SOX5: variants seen among roughly 807,000 people sequenced by gnomAD.
SOX5 encodes the protein transcription factor SOX-5.
In SOX5, 9 loss-of-function variants were observed where a neutral mutation model predicts 92.0. The observed-to-expected ratio is 0.10, with a 90% CI of 0.06 to 0.17. The LOEUF (loss-of-function observed/expected upper bound fraction) is 0.17. SOX5 is among the 10% of genes least tolerant of loss of function. The pLI, the probability that SOX5 is intolerant of heterozygous loss-of-function variation, is 1.00. For synonymous variants in SOX5, 344 were observed against 336.3 expected, an observed-to-expected ratio of 1.02 and a Z score of -0.25; for missense variants, 642 against 944.5, an observed-to-expected ratio of 0.68 and a Z score of 4.20.
intron 3 of SOX5, among the ~76,000 whole-genome samples, chr12:23,793,392 C>T (rs921999173): frequency 6.6e-6 from 1 of 151,986 alleles, no homozygotes; most frequent in African/African-American, 2.4e-5. Context: ...AGAAAATAAC[C>T]CTTGAAAATA....
rs140668486 is a variant in SOX5, at chr12:24,208,253, A to G, written c.-2+5090T>C. On this transcript the variant is annotated intron_variant, in intron 4 of 4. Coordinates refer to the SOX5 transcript ENST00000446891. ...AATCAGTCAGCCTCAGAGTGACATC[A>G]TAAGAATTAATTAATCCAAGGCACA... is the stretch of plus-strand genomic sequence containing the variant. Among the ~76,000 whole-genome samples, 119 of 152,316 alleles carry G rather than the reference A, an allele frequency of 7.8e-4. 1 individual carries two copies. The highest frequency in any genetic ancestry group is 2.5e-3 in the African/African-American group (106 of 41,570).
chr12:24,338,302 C>A (rs1007161171), intron 2 of SOX5, among the ~76,000 whole-genome samples: 7 of 152,066 alleles, frequency 4.6e-5, no homozygotes, highest in Non-Finnish European at 1.5e-5. Context: ...AGTGGACATA[C>A]ACAATACGAT....
At chr12:24,038,147 A>C (rs566777777) in intron 4 of SOX5, among the ~76,000 whole-genome samples, 1 of 152,256 alleles carries the variant, frequency 6.6e-6, no homozygotes, top group South Asian at 2.1e-4. Context: ...TTAACACAGG[A>C]AGATAGAGAT....
At chr12:23,942,393 T>G (rs927719680) in intron 1 of SOX5, among the ~76,000 whole-genome samples, 2 of 151,858 alleles carry the variant, frequency 1.3e-5, no homozygotes, top group Non-Finnish European at 2.9e-5. Context: ...GCAAACTCAG[T>G]ACTAATGTAA....
At chr12:23,665,899 T>C (rs1436014371) in intron 6 of SOX5, among the ~76,000 whole-genome samples, 2 of 152,126 alleles carry the variant, frequency 1.3e-5, no homozygotes, top group Non-Finnish European at 2.9e-5. Flanking sequence ...AATTATCCCA[T>C]AGAAGGAACT....
intron 2 of SOX5, among the ~76,000 whole-genome samples, chr12:24,350,743 T>C (rs1953971646): frequency 6.6e-6 from 1 of 152,124 alleles, no homozygotes; most frequent in South Asian, 2.1e-4. Context: ...TAAATGACCA[T>C]ATCTAGGACA....
At chr12:23,617,080 G>C (rs933892859) in intron 8 of SOX5, among the ~76,000 whole-genome samples, 6 of 148,432 alleles carry the variant, frequency 4.0e-5, no homozygotes, top group Admixed American at 3.4e-4. Flanking sequence ...AGCTGTGATT[G>C]TGGCACTGCA....
intron 1 of SOX5, among the ~76,000 whole-genome samples, chr12:24,430,249 C>G (rs1938025411): frequency 6.6e-6 from 1 of 152,126 alleles, no homozygotes; most frequent in African/African-American, 2.4e-5. Context: ...TTGGTGTTTG[C>G]TGACTGGCCA....
intron 11 of SOX5, among the ~76,000 whole-genome samples, chr12:23,551,213 GAAGA>G (rs1425363923): frequency 6.6e-6 from 1 of 151,816 alleles, no homozygotes; most frequent in African/African-American, 2.4e-5. Flanking sequence ...AACGACACGG[GAAGA>G]AAGAAACAAA....
At chr12:23,635,763 C>A (rs892930330) in intron 8 of SOX5, among the ~76,000 whole-genome samples, 2 of 151,898 alleles carry the variant, frequency 1.3e-5, no homozygotes, top group African/African-American at 2.4e-5. Context: ...ATAGAAAGAC[C>A]AGTTTAGGGG....
chr12:23,604,570 T>G (rs201438786), intron 8 of SOX5, 37 bp from the exon 9 acceptor site: 2 of 1,592,560 alleles, frequency 1.3e-6, no homozygotes, highest in Non-Finnish European at 1.7e-6. Context: ...GAAAGAATAC[T>G]GTGAATAATA....
chr12:23,990,801 G>A (rs190213845), intron 4 of SOX5, among the ~76,000 whole-genome samples: 44 of 152,160 alleles, frequency 2.9e-4, no homozygotes, highest in Non-Finnish European at 5.0e-4. Context: ...CTAGAACATC[G>A]TAGGTGCTTA....
At chr12:24,056,974 CA>C (rs60085412) in intron 4 of SOX5, among the ~76,000 whole-genome samples, 73 of 36,916 alleles carry the variant, frequency 2.0e-3, no homozygotes, top group East Asian at 3.1e-3. Flanking sequence ...GACTCCGTCT[CA>C]AAAAAAAAAA....
intron 3 of SOX5, among the ~76,000 whole-genome samples, chr12:24,248,387 A>C (rs1939318629): frequency 6.6e-6 from 1 of 152,218 alleles, no homozygotes; most frequent in African/African-American, 2.4e-5. Flanking sequence ...AGTTTGAAGA[A>C]AGAAACAAGA....
At chr12:24,545,532 A>G (rs548942908) in intron 1 of SOX5, among the ~76,000 whole-genome samples, 2 of 152,376 alleles carry the variant, frequency 1.3e-5, no homozygotes, top group African/African-American at 2.4e-5. Flanking sequence ...CAGATTTTCA[A>G]GTAATACGAA....
chr12:23,963,996 C>G (rs1351506358), intron 4 of SOX5, among the ~76,000 whole-genome samples: 3 of 145,540 alleles, frequency 2.1e-5, no homozygotes, highest in African/African-American at 7.6e-5. Flanking sequence ...ACCAACCAAA[C>G]AAAAAAAAAA....
chr12:24,353,057 TC>T (rs1347825178), intron 2 of SOX5, among the ~76,000 whole-genome samples: 1 of 152,144 alleles, frequency 6.6e-6, no homozygotes, highest in African/African-American at 2.4e-5. Context: ...TGACAGGGGC[TC>T]CAGTTTCCCA....
intron 4 of SOX5, among the ~76,000 whole-genome samples, chr12:23,962,735 C>T: frequency 6.6e-6 from 1 of 152,026 alleles, no homozygotes; most frequent in East Asian, 1.9e-4. Context: ...TGCAATTGCC[C>T]ACTGTTGTCC....
intron 4 of SOX5, among the ~76,000 whole-genome samples, chr12:24,091,313 G>C (rs1006895997): frequency 6.6e-6 from 1 of 151,910 alleles, no homozygotes; most frequent in African/African-American, 2.4e-5. Context: ...GTCATATACT[G>C]TATCATTGGT....
Sources: gnomAD v4.1 joint callset for allele counts (sites outside exome capture counted in the v4.1 genomes callset) on GRCh38, gnomAD v4.1.1 for gene constraint, MANE v1.5 for transcripts, NCBI Gene and HGNC (gene_info 2026-07-23, HGNC 2026-07-21) for gene names.